The following RBKS variants were observed in gnomAD, a reference collection of about 807,000 sequenced individuals.
RBKS encodes ribokinase.
Under a neutral mutation model 33.9 loss-of-function variants are expected in RBKS, and 33 were observed. That is an observed-to-expected ratio of 0.97 (90% CI 0.74 to 1.30). The LOEUF (loss-of-function observed/expected upper bound fraction) is 1.30. RBKS is among the 50% of genes most tolerant of loss of function. The pLI is 0.00. For missense variants in RBKS, 361 were observed against 392.6 expected (o/e 0.92, Z 0.68); for synonymous variants, 125 against 143.0 (o/e 0.87, Z 0.90).
intron 1 of RBKS, among the ~76,000 whole-genome samples, chr2:27,889,507 G>T (rs1297833782): frequency 6.6e-6 from 1 of 152,014 alleles, no homozygotes; most frequent in Non-Finnish European, 1.5e-5. Flanking sequence ...CATTACTTTT[G>T]TAATCAGAAA....
At chr2:27,816,933 T>C (rs1264618030) in intron 7 of RBKS, among the ~76,000 whole-genome samples, 1 of 152,230 alleles carries the variant, frequency 6.6e-6, no homozygotes, top group Non-Finnish European at 1.5e-5. Context: ...TGGGCAATTA[T>C]TCTGTTTTCA....
At chr2:27,828,754 C>T (rs1278243595) in intron 6 of RBKS, among the ~76,000 whole-genome samples, 1 of 152,112 alleles carries the variant, frequency 6.6e-6, no homozygotes, top group Admixed American at 6.5e-5. Context: ...ATTTCCATGA[C>T]TTTTTAGGTT....
At chr2:27,807,666 C>T (rs1377011993) in intron 7 of RBKS, among the ~76,000 whole-genome samples, 1 of 152,122 alleles carries the variant, frequency 6.6e-6, no homozygotes, top group African/African-American at 2.4e-5. Context: ...GGTACTGTGC[C>T]CGGCCACCAG....
chr2:27,832,197 T>C (rs998980567), intron 6 of RBKS, among the ~76,000 whole-genome samples: 1 of 152,066 alleles, frequency 6.6e-6, no homozygotes, highest in African/African-American at 2.4e-5. Flanking sequence ...CTTCCAGGAG[T>C]TGTATACTAA....
Position 27,847,037 on chromosome 2 carries a change from C to T in RBKS, c.349+5G>A, listed in dbSNP as rs2148213577. On this transcript the variant is annotated splice_donor_5th_base_variant and intron_variant, in intron 4 of 7. Transcript: ENST00000302188. ...AAATGACACTCCAATATGCAAAACA[C>T]TTACCTTCATTATTGACAATTATAG... 6.3e-7 allele frequency: 1 copy of T among 1,589,070 alleles called. No individual in the cohort carries two copies. The highest frequency in any genetic ancestry group is 8.6e-7 in the Non-Finnish European group (1 of 1,157,716).
At chr2:27,783,934 GA>G (rs1167550925) in intron 7 of RBKS, among the ~76,000 whole-genome samples, 2 of 116,962 alleles carry the variant, frequency 1.7e-5, no homozygotes, top group African/African-American at 3.1e-5. Context: ...AAAAAAAAAA[GA>G]AAAACCATTC....
chr2:27,792,064 T>TA (rs1283472286), intron 7 of RBKS, among the ~76,000 whole-genome samples: 2 of 152,246 alleles, frequency 1.3e-5, no homozygotes, highest in Non-Finnish European at 2.9e-5. Flanking sequence ...CCTTGACAGT[T>TA]ACTTCCTGGG....
chr2:27,835,974 G>A (rs1678510511), intron 5 of RBKS, among the ~76,000 whole-genome samples: 2 of 152,014 alleles, frequency 1.3e-5, no homozygotes, highest in South Asian at 4.1e-4. Context: ...CTAGCACTTT[G>A]GGAGGCTGAG....
At position 27,794,317 on chromosome 2, in the gene RBKS, T is replaced by C. The variant is rs904533810; in HGVS notation, c.796-12529A>G. 1.5e-4 allele frequency among the ~76,000 whole-genome samples: 21 copies of C among 140,762 alleles called. 1 individual carries two copies. The highest frequency in any genetic ancestry group is 3.4e-3 in the Middle Eastern group (1 of 298). 92.3% of individuals were successfully genotyped at this position (140,762 alleles called of 152,430 possible). A position where few individuals can be genotyped will look rare whatever the true frequency, so the allele number is the denominator to read the frequency against. On this transcript the variant is annotated intron_variant, in intron 7 of 7. Coordinates refer to ENST00000302188, the MANE Select transcript of RBKS (RefSeq NM_022128.3). The stretch of plus-strand genomic sequence containing the variant: ...CATCCCCCCCACAAAATAATAATAA[T>C]AATAATAATAATAATAATAATAATA...
intron 7 of RBKS, among the ~76,000 whole-genome samples, chr2:27,794,718 G>GCA (rs1352939206): frequency 9.2e-5 from 14 of 151,752 alleles, no homozygotes; most frequent in African/African-American, 3.4e-4. Context: ...CTGCCTCCCG[G>GCA]GTTCAAGCAA....
At chr2:27,819,886 A>G (rs1051607575) in intron 7 of RBKS, among the ~76,000 whole-genome samples, 1 of 152,224 alleles carries the variant, frequency 6.6e-6, no homozygotes, top group African/African-American at 2.4e-5. Flanking sequence ...TAAGGAAAAA[A>G]ACCTGTCAAA....
chr2:27,787,237 GCCTGGGCAA>G (rs1677422028), intron 7 of RBKS, among the ~76,000 whole-genome samples: 1 of 152,164 alleles, frequency 6.6e-6, no homozygotes, highest in Non-Finnish European at 1.5e-5. Context: ...AGCAAGACCA[GCCTGGGCAA>G]CGTCGTGAAG....
intron 7 of RBKS, among the ~76,000 whole-genome samples, chr2:27,789,917 T>A (rs7596967): frequency 7.2e-4 from 76 of 105,504 alleles, no homozygotes; most frequent in Admixed American, 9.9e-4. Flanking sequence ...GTGTGTGTGT[T>A]TGTGTGTGTA....
At chr2:27,794,624 C>CT (rs199640528) in intron 7 of RBKS, among the ~76,000 whole-genome samples, 2,300 of 139,172 alleles carry the variant, frequency 0.017, 70 homozygotes, top group African/African-American at 0.056. Context: ...GTTTTTTTTT[C>CT]TTTTTTTTTT....
At chr2:27,876,961 C>G (rs1300412131) in intron 1 of RBKS, among the ~76,000 whole-genome samples, 1 of 152,122 alleles carries the variant, frequency 6.6e-6, no homozygotes, top group East Asian at 1.9e-4. Flanking sequence ...CACTTTGTCT[C>G]TTGCAAATCC....
At chr2:27,843,935 G>A (rs958164057) in intron 4 of RBKS, among the ~76,000 whole-genome samples, 1 of 152,134 alleles carries the variant, frequency 6.6e-6, no homozygotes. Flanking sequence ...TCATGAGCAC[G>A]AGCCACACAT....
At chr2:27,782,671 G>A (rs1323691679) in intron 7 of RBKS, 3 of 453,624 alleles carry the variant, frequency 6.6e-6, no homozygotes, top group African/African-American at 2.0e-5. Context: ...TACTGATGGT[G>A]TTAACCCTGG....
intron 6 of RBKS, among the ~76,000 whole-genome samples, chr2:27,830,353 A>G (rs1024747825): frequency 6.6e-6 from 1 of 151,434 alleles, no homozygotes; most frequent in Non-Finnish European, 1.5e-5. Flanking sequence ...TCCACCTCCC[A>G]GGTCCTGGTT....
chr2:27,840,003 A>G (rs1259350251), intron 5 of RBKS, among the ~76,000 whole-genome samples: 3 of 150,694 alleles, frequency 2.0e-5, no homozygotes, highest in Non-Finnish European at 4.4e-5. Flanking sequence ...GTCTCCTTTC[A>G]TTATACCACT....
Sources: allele counts gnomAD v4.1 joint callset (sites outside exome capture counted in the v4.1 genomes callset), GRCh38; gene constraint gnomAD v4.1.1; transcripts MANE v1.5; gene names NCBI Gene and HGNC (gene_info 2026-07-23, HGNC 2026-07-21).